Variants in PPP3CA observed in about 807,000 individuals in gnomAD.
The protein encoded by PPP3CA is protein phosphatase 3 catalytic subunit alpha, also known as CAM-PRP catalytic subunit.
A neutral mutation model predicts 66.5 loss-of-function variants in PPP3CA; 14 were observed. That is an observed-to-expected ratio of 0.21 (90% CI 0.14 to 0.33). The LOEUF (loss-of-function observed/expected upper bound fraction) is 0.33, where lower values mean the gene tolerates loss of function less well. Among genes scored for constraint, PPP3CA ranks in the 10% least tolerant of loss-of-function variants. The pLI is 1.00. For synonymous variants in PPP3CA, 232 were observed against 226.2 expected, an observed-to-expected ratio of 1.03 and a Z score of -0.23; for missense variants, 317 against 639.5, an observed-to-expected ratio of 0.50 and a Z score of 5.44.
chr4:101,086,769 C>G (rs1729691744), intron 6 of PPP3CA, among the ~76,000 whole-genome samples: 1 of 152,174 alleles, frequency 6.6e-6, no homozygotes, highest in African/African-American at 2.4e-5. Flanking sequence ...TATATTTCTA[C>G]TTCTGTGCTC....
At chr4:101,081,354 C>T (rs1224338216) in intron 7 of PPP3CA, among the ~76,000 whole-genome samples, 1 of 152,040 alleles carries the variant, frequency 6.6e-6, no homozygotes, top group African/African-American at 2.4e-5. Context: ...AGATTATTGT[C>T]TCAGCAGGGT....
At chr4:101,265,079 T>A (rs546435285) in intron 1 of PPP3CA, among the ~76,000 whole-genome samples, 1 of 152,176 alleles carries the variant, frequency 6.6e-6, no homozygotes, top group East Asian at 1.9e-4. Context: ...TTGGCTGAAT[T>A]TTGTTGTATT....
intron 1 of PPP3CA, among the ~76,000 whole-genome samples, chr4:101,214,054 A>G (rs1315342602): frequency 6.6e-6 from 1 of 152,128 alleles, no homozygotes; most frequent in Non-Finnish European, 1.5e-5. Flanking sequence ...CCAGCCAGAG[A>G]TAACCAAGAT....
intron 6 of PPP3CA, among the ~76,000 whole-genome samples, chr4:101,089,264 G>A (rs567868921): frequency 6.6e-6 from 1 of 151,658 alleles, no homozygotes; most frequent in Admixed American, 6.6e-5. Context: ...CAAAAAAAAA[G>A]AGGCATCAGG....
intron 2 of PPP3CA, among the ~76,000 whole-genome samples, chr4:101,152,471 T>C (rs1322428748): frequency 6.6e-6 from 1 of 152,218 alleles, no homozygotes; most frequent in African/African-American, 2.4e-5. Flanking sequence ...CACATTCTAA[T>C]GTAGTAGGTG....
chr4:101,293,250 C>A (rs1578637299), intron 1 of PPP3CA, among the ~76,000 whole-genome samples: 2 of 152,288 alleles, frequency 1.3e-5, no homozygotes, highest in Admixed American at 1.3e-4. Flanking sequence ...CCTTTACCTG[C>A]TTGCTCAATC....
chr4:101,163,353 G>A (rs770986020), intron 2 of PPP3CA, among the ~76,000 whole-genome samples: 2 of 151,978 alleles, frequency 1.3e-5, no homozygotes, highest in African/African-American at 4.8e-5. Context: ...GTTGTTGTTC[G>A]CCCTGAGGTC....
chr4:101,318,054 G>A (rs892677742), intron 1 of PPP3CA, among the ~76,000 whole-genome samples: 1 of 152,142 alleles, frequency 6.6e-6, no homozygotes, highest in Non-Finnish European at 1.5e-5. Context: ...TAGTTGTAGT[G>A]TAGTAAACAA....
chr4:101,189,242 ATAT>A (rs1305069571), intron 2 of PPP3CA, among the ~76,000 whole-genome samples: 8 of 152,232 alleles, frequency 5.3e-5, no homozygotes, highest in East Asian at 1.9e-4. Context: ...TATTTCCATT[ATAT>A]TATTATCATA....
chr4:101,224,392 C>G (rs1297052659), intron 1 of PPP3CA, among the ~76,000 whole-genome samples: 6 of 151,834 alleles, frequency 4.0e-5, no homozygotes, highest in African/African-American at 1.4e-4. Flanking sequence ...AGTCAAGGCC[C>G]TTTACTCCTT....
intron 1 of PPP3CA, among the ~76,000 whole-genome samples, chr4:101,203,377 C>T (rs1477027805): frequency 6.6e-6 from 1 of 152,040 alleles, no homozygotes; most frequent in Non-Finnish European, 1.5e-5. Flanking sequence ...TGCCTGCAGT[C>T]CCAGCTACTC....
chr4:101,130,663 A>G (rs1722399841), intron 2 of PPP3CA, among the ~76,000 whole-genome samples: 1 of 152,232 alleles, frequency 6.6e-6, no homozygotes, highest in Non-Finnish European at 1.5e-5. Context: ...TGAAGGAGAA[A>G]TAAAATCCTT....
intron 1 of PPP3CA, among the ~76,000 whole-genome samples, chr4:101,257,303 T>C (rs1403972193): frequency 1.3e-5 from 2 of 150,264 alleles, no homozygotes; most frequent in Admixed American, 1.3e-4. Context: ...ATTAGGGAGA[T>C]AGAGGTCTCC....
intron 1 of PPP3CA, among the ~76,000 whole-genome samples, chr4:101,322,702 C>T (rs113565887): frequency 1.3e-5 from 2 of 152,174 alleles, no homozygotes; most frequent in Non-Finnish European, 2.9e-5. Context: ...GAGCCAACTG[C>T]ACTTGGCCTC....
chr4:101,163,923 T>C (rs1723602768), intron 2 of PPP3CA, among the ~76,000 whole-genome samples: 1 of 151,966 alleles, frequency 6.6e-6, no homozygotes, highest in Non-Finnish European at 1.5e-5. Context: ...ATTTCTATCA[T>C]GATCTCAGGT....
At chr4:101,028,263 G>T (rs1726759824) in intron 13 of PPP3CA, among the ~76,000 whole-genome samples, 1 of 152,124 alleles carries the variant, frequency 6.6e-6, no homozygotes, top group South Asian at 2.1e-4. Context: ...TATTATTTTT[G>T]AAATTTCCAA....
At chr4:101,280,193 G>A (rs1727634454) in intron 1 of PPP3CA, among the ~76,000 whole-genome samples, 2 of 152,106 alleles carry the variant, frequency 1.3e-5, no homozygotes, top group South Asian at 4.1e-4. Flanking sequence ...TGTCAAATAA[G>A]CATTAGAGAG....
At chr4:101,104,341 C>T (rs1183143323) in intron 3 of PPP3CA, among the ~76,000 whole-genome samples, 1 of 152,116 alleles carries the variant, frequency 6.6e-6, no homozygotes. Context: ...TCACAGAGAA[C>T]ATTTTATATC....
At chr4:101,239,244 G>T (rs1726224275) in intron 1 of PPP3CA, among the ~76,000 whole-genome samples, 1 of 152,114 alleles carries the variant, frequency 6.6e-6, no homozygotes, top group African/African-American at 2.4e-5. Flanking sequence ...AAAAGGCACA[G>T]TCTCACTAAA....
Sources: allele counts gnomAD v4.1 joint callset (sites outside exome capture counted in the v4.1 genomes callset), GRCh38; gene constraint gnomAD v4.1.1; transcripts MANE v1.5; gene names NCBI Gene and HGNC (gene_info 2026-07-23, HGNC 2026-07-21).